Variants in CBFA2T3 observed in about 807,000 individuals in gnomAD.
CBFA2T3 encodes the protein CBFA2/RUNX1 partner transcriptional co-repressor 3, also known as transcriptional corepressor CBFA2T3.
CBFA2T3 carries 31 observed loss-of-function variants against 58.6 expected under a neutral mutation model. The ratio of observed to expected loss-of-function variants is 0.53; its 90% confidence interval spans 0.40 to 0.71. The LOEUF is 0.71. Among genes scored for constraint, CBFA2T3 ranks in the 30% least tolerant of loss-of-function variants. CBFA2T3 has a pLI of 0.00. For missense variants in CBFA2T3, 1,076 were observed against 963.1 expected (o/e 1.12, Z -1.55); for synonymous variants, 531 against 421.9 (o/e 1.26, Z -3.17).
chr16:88,899,087 G>C (rs1970002684), intron 2 of CBFA2T3, among the ~76,000 whole-genome samples: 1 of 123,768 alleles, frequency 8.1e-6, no homozygotes, highest in East Asian at 2.3e-4. Flanking sequence ...CCCCACAGCA[G>C]CACCGCAGCT....
chr16:88,889,180 G>C (rs990130328), intron 5 of CBFA2T3, among the ~76,000 whole-genome samples: 1 of 151,618 alleles, frequency 6.6e-6, no homozygotes, highest in African/African-American at 2.4e-5. Context: ...CTAACGAACT[G>C]CAAACGACGC....
chr16:88,892,180 G>T, intron 4 of CBFA2T3, 64 bp downstream of exon 4: 2 of 1,557,356 alleles, frequency 1.3e-6, no homozygotes, highest in Non-Finnish European at 8.7e-7. Context: ...GGCCGTGGCT[G>T]CAACCTCATT....
chr16:88,968,368 G>T (rs955705482), intron 1 of CBFA2T3, among the ~76,000 whole-genome samples: 1 of 152,248 alleles, frequency 6.6e-6, no homozygotes, highest in Non-Finnish European at 1.5e-5. Context: ...CCCAGGTGGG[G>T]ACGGCCCCTT....
intron 1 of CBFA2T3, among the ~76,000 whole-genome samples, chr16:88,934,255 G>T (rs1617734): frequency 4.1e-5 from 6 of 147,192 alleles, no homozygotes; most frequent in Non-Finnish European, 5.9e-5. Context: ...ATGGAGGCAC[G>T]GGCGAGAAGG....
In CBFA2T3 at chr16:88,877,077, G is replaced by A; in HGVS notation, c.1861C>T (p.Leu621=). 2 of 1,534,892 alleles carry A rather than the reference G, an allele frequency of 1.3e-6. No individual in the cohort carries two copies. Among genetic ancestry groups the A allele is most frequent in the Non-Finnish European group, 1.8e-6 (2 of 1,138,738 alleles). Residue 621 remains leucine (L), a synonymous_variant, in exon 12 of 12, where the codon CTG becomes TTG. Transcript: ENST00000268679. Reference sequence around the variant, plus strand: ...CTGGGGCTGGCAGCACCCACAGGCAGGGAGGGGCCCAGGCTGTGGGCGGCT... The same window carrying A: ...CTGGGGCTGGCAGCACCCACAGGCAAGGAGGGGCCCAGGCTGTGGGCGGCT... The part of the protein sequence containing the change: ...PEAAHSLGPS[L]PVGAASPSEA...
At chr16:88,880,827 G>A (rs761318389) in intron 9 of CBFA2T3, 39 bp from the exon 10 acceptor site, 14 of 1,542,368 alleles carry the variant, frequency 9.1e-6, no homozygotes, top group Middle Eastern at 1.8e-4. Context: ...TGGGCCACGC[G>A]GCTGCCCCTC....
intron 1 of CBFA2T3, among the ~76,000 whole-genome samples, chr16:88,927,892 C>T (rs1049339208): frequency 3.3e-5 from 5 of 152,190 alleles, no homozygotes; most frequent in Admixed American, 1.3e-4. Context: ...TGACACGCTG[C>T]GGTCAGCTCA....
chr16:88,892,216 A>C lies in CBFA2T3; in HGVS notation c.621+28T>G, dbSNP rs759366168. 4 of 1,595,814 alleles carry C rather than the reference A, an allele frequency of 2.5e-6. No homozygotes were observed. In the African/African-American group the frequency reaches 5.4e-5, roughly 21 times the overall value. Reference sequence around the variant, plus strand: ...AAACGGAGGGAATATGCATGTCCCAAGGCCCCGGCTGTCCCTGCCCAACTC... The same window carrying C: ...AAACGGAGGGAATATGCATGTCCCACGGCCCCGGCTGTCCCTGCCCAACTC... On this transcript the variant is annotated intron_variant, in intron 4 of 11. Transcript: ENST00000268679.
At chr16:88,973,566 C>T (rs916137840) in intron 1 of CBFA2T3, among the ~76,000 whole-genome samples, 5 of 152,212 alleles carry the variant, frequency 3.3e-5, no homozygotes, top group African/African-American at 1.2e-4. Flanking sequence ...AGACCCAGAA[C>T]CTTCCAATGC....
chr16:88,885,563 C>T lies in CBFA2T3; in HGVS notation c.894-294G>A, dbSNP rs893114529. On this transcript the variant is annotated intron_variant, in intron 6 of 11. Coordinates refer to ENST00000268679, the MANE Select transcript of CBFA2T3 (RefSeq NM_005187.6). This position sits in a 1 kb window ranked among gnomAD's most constrained non-coding sequence, Gnocchi z 5.3. ...CTCTGGGAACGAGGAGAGGGATACA[C>T]CAGGCTTCCGTAACTGGAGACCACC... 1.3e-5 allele frequency among the ~76,000 whole-genome samples: 2 copies of T among 152,134 alleles called. No individual in the cohort carries two copies. Among genetic ancestry groups the T allele is most frequent in the African/African-American group, 4.8e-5 (2 of 41,414 alleles).
chr16:88,963,226 G>C (rs181480904), intron 1 of CBFA2T3, among the ~76,000 whole-genome samples: 1 of 111,248 alleles, frequency 9.0e-6, no homozygotes, highest in East Asian at 2.1e-4. Context: ...TCCAGGGACA[G>C]TGGGGGAAGG....
Position 88,976,664 on chromosome 16 carries a change from G to A in CBFA2T3, c.144C>T (p.Gly48=), listed in dbSNP as rs748263812. ...GCSAPRGPRK[G]GPAPVDRKAK... ...TCCCCTCGAGCCTCTTACCTGGGCC[G>A]CCCTTCCTGGGACCCCGGGGTGCGG... Residue 48 remains glycine, a synonymous_variant, in exon 1 of 12, where the codon GGC becomes GGT. Coordinates refer to ENST00000268679, the MANE Select transcript of CBFA2T3 (RefSeq NM_005187.6). 1.3e-5 allele frequency: 21 copies of A among 1,560,888 alleles called. No individual in the cohort carries two copies. The highest frequency in any genetic ancestry group is 5.6e-5 in the Admixed American group (3 of 54,038).
chr16:88,898,034 TGAAG>T, intron 3 of CBFA2T3, 40 bp downstream of exon 3: 1 of 1,422,538 alleles, frequency 7.0e-7, no homozygotes, highest in Non-Finnish European at 9.9e-7. Flanking sequence ...GATGCTGCGG[TGAAG>T]ACCTCTGGGG....
At chr16:88,951,850 C>T (rs537817012) in intron 1 of CBFA2T3, among the ~76,000 whole-genome samples, 25 of 152,316 alleles carry the variant, frequency 1.6e-4, no homozygotes, top group East Asian at 3.9e-4. Context: ...GGCAGAGCGG[C>T]GGAGGGTGTG....
At chr16:88,924,408 G>C (rs1336177785) in intron 1 of CBFA2T3, among the ~76,000 whole-genome samples, 1 of 152,146 alleles carries the variant, frequency 6.6e-6, no homozygotes, top group Non-Finnish European at 1.5e-5. Flanking sequence ...AAAGGAGAGG[G>C]ACCCGGGGTC....
intron 1 of CBFA2T3, among the ~76,000 whole-genome samples, chr16:88,968,769 C>T (rs1215485491): frequency 2.0e-5 from 3 of 152,156 alleles, no homozygotes; most frequent in East Asian, 1.9e-4. Flanking sequence ...GCCCCTCCAG[C>T]GGGGACGCCT....
chr16:88,898,105 A>C lies in CBFA2T3; in HGVS notation c.352T>G (p.Cys118Gly). Residue 118 changes from cysteine (C) to glycine (G), a missense_variant, in exon 3 of 12, where the codon TGC becomes GGC. Cys to Gly is a radical substitution (Grantham distance 159). Transcript: ENST00000268679. ...AGACAGACCATAGACCATTTTAAGC[A>C]GCCATGAAAACGGCCGTGGGGCAGC... is the stretch of plus-strand genomic sequence containing the variant. ...ATLPHGRFHG[C>G]LKWSMVCLLM... 6.2e-7 allele frequency: 1 copy of C among 1,612,766 alleles called. No homozygotes were observed. The highest frequency in any genetic ancestry group is 8.5e-7 in the Non-Finnish European group (1 of 1,179,424).
chr16:88,882,731 A>T lies in CBFA2T3; in HGVS notation c.1148T>A (p.Ile383Asn). The T allele has an allele frequency of 6.3e-7, 1 of 1,588,882 alleles. No individual in the cohort carries two copies. Among genetic ancestry groups the T allele is most frequent in the Non-Finnish European group, 8.6e-7 (1 of 1,167,882 alleles). The part of the protein sequence containing the change: ...VVPGSRQEEV[I>N]DHKLTEREWA... ...CTCACGCTCTGTGAGCTTGTGGTCG[A>T]TCACTTCTTCCTGCCGGGACCCAGG... Residue 383 changes from isoleucine (I) to asparagine (N), a missense_variant, in exon 8 of 12, where the codon ATC (isoleucine) becomes AAC (asparagine). By Grantham distance (149) the Ile-to-Asn change is moderately radical. Coordinates refer to ENST00000268679, the MANE Select transcript of CBFA2T3 (RefSeq NM_005187.6).
chr16:88,893,394 C>A (rs909935701), intron 3 of CBFA2T3, among the ~76,000 whole-genome samples: 3 of 152,108 alleles, frequency 2.0e-5, no homozygotes, highest in East Asian at 1.9e-4. Flanking sequence ...TGTCTCCCAG[C>A]CCTGAGCAAT....
Sources: allele counts gnomAD v4.1 joint callset (sites outside exome capture counted in the v4.1 genomes callset), GRCh38; gene constraint gnomAD v4.1.1; non-coding constraint Gnocchi (gnomAD v3.1); transcripts MANE v1.5; gene names NCBI Gene and HGNC (gene_info 2026-07-23, HGNC 2026-07-21).